DPY19L3: variants seen among roughly 807,000 people sequenced by gnomAD.
DPY19L3 encodes dpy-19 like C-mannosyltransferase 3.
DPY19L3 carries 51 observed loss-of-function variants against 92.3 expected under a neutral mutation model. The observed-to-expected ratio is 0.55, with a 90% confidence interval of 0.44 to 0.70. The LOEUF is 0.70. DPY19L3 is among the 30% of genes least tolerant of loss of function. DPY19L3 has a pLI of 0.00. For synonymous variants in DPY19L3, 309 were observed against 315.2 expected (o/e 0.98, Z 0.21); for missense variants, 706 against 855.9 (o/e 0.82, Z 2.18).
chr19:32,407,264 T>TAC (rs1967994937), intron 1 of DPY19L3, among the ~76,000 whole-genome samples: 1 of 81,306 alleles, frequency 1.2e-5, no homozygotes, highest in Non-Finnish European at 2.5e-5. Flanking sequence ...AGGCTCCTGC[T>TAC]CCCCCCCACC....
In DPY19L3 at chr19:32,463,830, A is replaced by G. The variant is rs552320466; in HGVS notation, c.1446-39A>G. ...GTCTCAGAATCCAGGTTTATATACAACTAGTACTTCTGACTTGCGCCTGTG... is the reference window on the plus strand; with the variant it reads ...GTCTCAGAATCCAGGTTTATATACAGCTAGTACTTCTGACTTGCGCCTGTG... On this transcript the variant is annotated intron_variant, in intron 13 of 18. Coordinates refer to ENST00000392250, the MANE Select transcript of DPY19L3 (RefSeq NM_001172774.2). The G allele has an allele frequency of 3.3e-6, 5 of 1,532,710 alleles. No homozygotes were observed. In the Admixed American group the frequency reaches 5.0e-5, roughly 15 times the overall value. The allele number at this position is 1,532,710 out of a possible 1,614,324, so 94.9% of individuals were successfully genotyped here.
At chr19:32,474,844 C>G (rs1342266187) in intron 16 of DPY19L3, among the ~76,000 whole-genome samples, 8 of 152,154 alleles carry the variant, frequency 5.3e-5, no homozygotes, top group Admixed American at 5.2e-4. Flanking sequence ...CCCACCTGGC[C>G]GTCCAAAGTG....
At chr19:32,472,769 G>C (rs568966745) in intron 16 of DPY19L3, among the ~76,000 whole-genome samples, 26 of 152,084 alleles carry the variant, frequency 1.7e-4, no homozygotes, top group African/African-American at 6.3e-4. Flanking sequence ...ATATTTTGAG[G>C]GATGACATTT....
chr19:32,437,449 C>T (rs1041649178), intron 6 of DPY19L3, 110 bp downstream of exon 6: 1 of 1,318,894 alleles, frequency 7.6e-7, no homozygotes, highest in South Asian at 1.5e-5. Context: ...TGGTTGGGAG[C>T]AGTTTCTCTT....
At position 32,439,768 on chromosome 19, in the gene DPY19L3, T is replaced by G; in HGVS notation, c.721-8T>G. 1.2e-6 allele frequency: 2 copies of G among 1,610,314 alleles called. No homozygotes were observed. The highest frequency in any genetic ancestry group is 8.5e-7 in the Non-Finnish European group (1 of 1,178,882). On this transcript the variant is annotated splice_polypyrimidine_tract_variant and splice_region_variant and intron_variant, in intron 7 of 18. Transcript: ENST00000392250. ...CATGTAAATTATACAAAGGTTTTCT[T>G]TTTACAGAGGCTGACACTTCTTGCC...
chr19:32,417,679 A>G (rs1038709339), intron 3 of DPY19L3, among the ~76,000 whole-genome samples: 4 of 152,188 alleles, frequency 2.6e-5, no homozygotes, highest in African/African-American at 9.7e-5. Context: ...GCCGCCATGT[A>G]AGACTTAACT....
intron 4 of DPY19L3, among the ~76,000 whole-genome samples, 189 bp downstream of exon 4, chr19:32,432,995 C>T (rs1969019932): frequency 1.3e-5 from 2 of 152,140 alleles, no homozygotes; most frequent in Admixed American, 6.5e-5. Flanking sequence ...ATATAACCCT[C>T]CTCTCTTTGC....
At position 32,424,320 on chromosome 19, in the gene DPY19L3, T is replaced by TAAA. The variant is rs11415675; in HGVS notation, c.238-8386_238-8384dup. 5.1e-4 allele frequency among the ~76,000 whole-genome samples: 73 copies of TAAA among 142,058 alleles called. 1 individual carries two copies. The highest frequency in any genetic ancestry group is 1.4e-3 in the African/African-American group (52 of 37,928). 93.2% of individuals were successfully genotyped at this position (142,058 alleles called of 152,430 possible). Reference sequence around the variant, plus strand: ...GGGCAACAGAGTGAGACCCTGTCTCTAAAAAAAAAAAAGAAATAAATAAAA... The same window carrying TAAA: ...GGGCAACAGAGTGAGACCCTGTCTCTAAAAAAAAAAAAAAAGAAATAAATAAAA... On this transcript the variant is annotated intron_variant, in intron 3 of 18. Coordinates refer to ENST00000392250, the MANE Select transcript of DPY19L3 (RefSeq NM_001172774.2).
chr19:32,442,860 C>G (rs1160511409), intron 8 of DPY19L3, among the ~76,000 whole-genome samples: 5 of 152,220 alleles, frequency 3.3e-5, no homozygotes, highest in Non-Finnish European at 7.3e-5. Flanking sequence ...ACCTAGCTGT[C>G]ACTAGGCATG....
intron 3 of DPY19L3, among the ~76,000 whole-genome samples, chr19:32,424,512 C>T (rs1386815481): frequency 3.3e-5 from 5 of 151,826 alleles, no homozygotes; most frequent in Non-Finnish European, 5.9e-5. Flanking sequence ...ACAGCTTACA[C>T]CCAGCTGCTT....
intron 16 of DPY19L3, among the ~76,000 whole-genome samples, chr19:32,476,857 T>G (rs555646420): frequency 1.3e-5 from 2 of 152,194 alleles, no homozygotes; most frequent in African/African-American, 2.4e-5. Context: ...ATATTGGCTA[T>G]TTCAGAATCT....
chr19:32,417,931 C>A (rs1968432093), intron 3 of DPY19L3, among the ~76,000 whole-genome samples: 1 of 152,168 alleles, frequency 6.6e-6, no homozygotes, highest in Admixed American at 6.5e-5. Context: ...TGTTGTGAGG[C>A]ACTTTTAAAG....
At chr19:32,468,939 T>C in intron 16 of DPY19L3, 126 bp downstream of exon 16, 1 of 861,882 alleles carries the variant, frequency 1.2e-6, no homozygotes. Flanking sequence ...TCGTCCTTAC[T>C]AGATTTTTCT....
Position 32,453,400 on chromosome 19 carries a change from G to A in DPY19L3, c.987+124G>A, listed in dbSNP as rs1011986025. 6.2e-5 allele frequency: 58 copies of A among 929,208 alleles called. 1 individual carries two copies. The East Asian group carries it at 1.3e-3, about 21-fold the overall frequency. 57.6% of individuals were successfully genotyped at this position (929,208 alleles called of 1,614,324 possible). A position where few individuals can be genotyped will look rare whatever the true frequency, so the allele number is the denominator to read the frequency against. On this transcript the variant is annotated intron_variant, in intron 9 of 18. Coordinates refer to ENST00000392250, the MANE Select transcript of DPY19L3 (RefSeq NM_001172774.2). Reference sequence around the variant, plus strand: ...ACCTGATTTGCACTAAAAAGAGCACGTGGCATTGTGTGCTTTTTCTTGTGC... The same window carrying A: ...ACCTGATTTGCACTAAAAAGAGCACATGGCATTGTGTGCTTTTTCTTGTGC...
At chr19:32,412,651 G>A (rs563802217) in intron 3 of DPY19L3, 1 of 152,176 alleles carries the variant, frequency 6.6e-6, no homozygotes, top group African/African-American at 2.4e-5. Flanking sequence ...TTTTCAGGAG[G>A]GTTAGCCGGG....
chr19:32,470,985 TA>T (rs1970342352), intron 16 of DPY19L3, among the ~76,000 whole-genome samples: 1 of 152,280 alleles, frequency 6.6e-6, no homozygotes, highest in African/African-American at 2.4e-5. Flanking sequence ...AGGGTCTATG[TA>T]GACATCAAAT....
intron 3 of DPY19L3, 115 bp from the exon 4 acceptor site, chr19:32,432,599 CTA>C: frequency 1.3e-6 from 1 of 798,384 alleles, no homozygotes; most frequent in Non-Finnish European, 1.9e-6. Context: ...TTTTTTGAGA[CTA>C]TATTTTCAGA....
chr19:32,437,322 C>T lies in DPY19L3; in HGVS notation c.579C>T (p.Phe193=), dbSNP rs1472308141. The T allele has an allele frequency of 1.9e-6, 3 of 1,613,644 alleles. No homozygotes were observed. The highest frequency in any genetic ancestry group is 1.7e-5 in the Admixed American group (1 of 59,980). ...GTWLSGLLAA[F]WYVTNRIDTT... is the part of the protein sequence containing the mutation. ...GGCTGTCAGGACTGTTGGCAGCTTT[C>T]TGGTATGTCACAAATAGGTGAGTTG... Residue 193 remains phenylalanine, a synonymous_variant, in exon 6 of 19, where the codon TTC becomes TTT. Transcript: ENST00000392250.
At position 32,426,916 on chromosome 19, in the gene DPY19L3, A is replaced by C. The variant is rs543357169; in HGVS notation, c.238-5800A>C. Among the ~76,000 whole-genome samples the C allele has an allele frequency of 1.2e-4, 18 of 152,370 alleles. No homozygotes were observed. In the South Asian group the frequency reaches 3.7e-3, roughly 32 times the overall value. ...ATGCATTATCTGCAAAGGGCGGGAA[A>C]GTGAGGCACAGTGAGATGAGGCGTG... On this transcript the variant is annotated intron_variant, in intron 3 of 18. Transcript: ENST00000392250.
Sources: gnomAD v4.1 joint callset for allele counts (sites outside exome capture counted in the v4.1 genomes callset) on GRCh38, gnomAD v4.1.1 for gene constraint, MANE v1.5 for transcripts, NCBI Gene and HGNC (gene_info 2026-07-23, HGNC 2026-07-21) for gene names.